Variants in USP8 observed in about 807,000 individuals in gnomAD.
The protein encoded by USP8 is ubiquitin carboxyl-terminal hydrolase 8.
In USP8, 27 loss-of-function variants were observed where a neutral mutation model predicts 130.0. That is an observed-to-expected ratio of 0.21 (90% CI 0.15 to 0.29). The LOEUF is 0.29. Ranked by LOEUF, USP8 falls within the 10% of genes least tolerant of loss-of-function variation. USP8 has a pLI of 1.00. For missense variants in USP8, 1,029 were observed against 1,312.2 expected (o/e 0.78, Z 3.33); for synonymous variants, 392 against 444.1 (o/e 0.88, Z 1.48).
rs773215813 is a variant in USP8, at chr15:50,497,251, C to G, written c.3038+20C>G. On this transcript the variant is annotated intron_variant, in intron 18 of 19. Transcript: ENST00000307179. ...GAAACGGTAAAGGGGAAAGTTTGTC[C>G]TCCTGTTCAGTGAAATTAAATGAGG... The G allele has an allele frequency of 1.9e-6, 3 of 1,578,648 alleles. No individual in the cohort carries two copies. The highest frequency in any genetic ancestry group is 2.6e-6 in the Non-Finnish European group (3 of 1,167,618).
intron 14 of USP8, 142 bp downstream of exon 14, chr15:50,490,667 CA>C (rs2052126896): frequency 9.1e-7 from 1 of 1,103,752 alleles, no homozygotes; most frequent in East Asian, 2.5e-5. Flanking sequence ...CCACAGAGAA[CA>C]AAACAAATGA....
chr15:50,509,720 T>G lies in USP8; in HGVS notation c.*10632T>G, dbSNP rs2141350371. 6.6e-6 allele frequency: 1 copy of G among 152,124 alleles called. No individual in the cohort carries two copies. Among genetic ancestry groups the G allele is most frequent in the East Asian group, 1.9e-4 (1 of 5,202 alleles). The allele number at this position is 152,124 out of a possible 1,614,324, so 9.4% of individuals were successfully genotyped here. ...ATAAAATTAAAAATGAAAAAACATG[T>G]AATAGCTACAGATCCTGAATAAATT... On this transcript the variant is annotated 3_prime_UTR_variant, in exon 20 of 20. Transcript: ENST00000307179.
chr15:50,456,662 G>C (rs931514324), intron 4 of USP8, among the ~76,000 whole-genome samples: 5 of 152,124 alleles, frequency 3.3e-5, no homozygotes, highest in African/African-American at 1.2e-4. Flanking sequence ...GACGAGGGTG[G>C]ATCACTTTAG....
chr15:50,449,735 C>T (rs1381031094), intron 4 of USP8, among the ~76,000 whole-genome samples: 1 of 151,488 alleles, frequency 6.6e-6, no homozygotes, highest in Non-Finnish European at 1.5e-5. Context: ...GCACCCACCA[C>T]CACGCCCGGC....
intron 5 of USP8, among the ~76,000 whole-genome samples, chr15:50,459,412 CG>C (rs2050907683): frequency 6.6e-6 from 1 of 151,990 alleles, no homozygotes; most frequent in African/African-American, 2.4e-5. Flanking sequence ...AGCGAAACCC[CG>C]ACTCTACTAA....
intron 4 of USP8, among the ~76,000 whole-genome samples, chr15:50,455,664 T>C (rs1048337744): frequency 6.6e-6 from 1 of 152,132 alleles, no homozygotes; most frequent in Non-Finnish European, 1.5e-5. Flanking sequence ...CTCTGAATAG[T>C]TTTGTTGTTG....
intron 1 of USP8, among the ~76,000 whole-genome samples, chr15:50,428,394 G>T (rs1444142392): frequency 6.6e-6 from 1 of 152,206 alleles, no homozygotes; most frequent in Admixed American, 6.5e-5. Flanking sequence ...TGGGATTACA[G>T]GCGTTAGCTA....
In USP8 at chr15:50,500,815, C is replaced by A. The variant is rs1337612413; in HGVS notation, c.*1727C>A. 1 of 1,586,194 alleles carries A rather than the reference C, an allele frequency of 6.3e-7. No individual in the cohort carries two copies. Among genetic ancestry groups the A allele is most frequent in the Admixed American group, 1.8e-5 (1 of 55,574 alleles). On this transcript the variant is annotated 3_prime_UTR_variant, in exon 20 of 20. Transcript: ENST00000307179. Reference sequence around the variant, plus strand: ...CTTGCAGAAAGCAGTGTAGTGGCCACCATCCAAATCACCAAAATGGTTCTA... The same window carrying A: ...CTTGCAGAAAGCAGTGTAGTGGCCAACATCCAAATCACCAAAATGGTTCTA...
chr15:50,481,398 CTTTT>C (rs1239662289), intron 10 of USP8, 79 bp from the exon 11 acceptor site: 15 of 1,050,054 alleles, frequency 1.4e-5, no homozygotes, highest in Middle Eastern at 2.8e-4. Context: ...AGTGACACTT[CTTTT>C]ATCACAACTT....
Position 50,481,909 on chromosome 15 carries a change from A to T in USP8, c.1647A>T (p.Thr549=). 6.2e-7 allele frequency: 1 copy of T among 1,603,368 alleles called. No individual in the cohort carries two copies. Among genetic ancestry groups the T allele is most frequent in the Non-Finnish European group, 8.5e-7 (1 of 1,176,128 alleles). Residue 549 remains threonine, a synonymous_variant, in exon 11 of 20, where the codon ACA becomes ACT. Coordinates refer to ENST00000307179, the MANE Select transcript of USP8 (RefSeq NM_005154.5). The part of the protein sequence containing the change: ...ETSAKRGKEI[T]GVKRQSKSEH... ...CAGCAAAGAGGGGCAAAGAAATAAC[A>T]GGAGTAAAAAGACAAAGTAAAAGTG... is the stretch of plus-strand genomic sequence containing the variant.
At chr15:50,445,730 G>A (rs1404089983) in intron 3 of USP8, among the ~76,000 whole-genome samples, 4 of 149,476 alleles carry the variant, frequency 2.7e-5, no homozygotes, top group Middle Eastern at 3.5e-3. Flanking sequence ...GGTGGCAGGC[G>A]CCTGTAATCC....
chr15:50,484,230 G>C (rs1207719796), intron 11 of USP8, 45 bp from the exon 12 acceptor site: 3 of 1,481,236 alleles, frequency 2.0e-6, no homozygotes. Flanking sequence ...GTTGGGAGGA[G>C]AATTAAAGTT....
chr15:50,434,844 T>C (rs916903914), intron 1 of USP8, among the ~76,000 whole-genome samples: 1 of 152,116 alleles, frequency 6.6e-6, no homozygotes, highest in Non-Finnish European at 1.5e-5. Flanking sequence ...GGTCTCAAAC[T>C]CCCAACCTCA....
chr15:50,430,136 T>C (rs2049884214), intron 1 of USP8, among the ~76,000 whole-genome samples: 1 of 152,210 alleles, frequency 6.6e-6, no homozygotes, highest in East Asian at 1.9e-4. Flanking sequence ...TAGTATCCCC[T>C]GTATCACAAC....
chr15:50,492,044 T>C (rs181473165), intron 14 of USP8, among the ~76,000 whole-genome samples: 51 of 152,230 alleles, frequency 3.4e-4, no homozygotes, highest in African/African-American at 1.1e-3. Context: ...GTATTTTTAG[T>C]AGAGACGGGG....
At chr15:50,492,557 G>A in intron 14 of USP8, 144 bp from the exon 15 acceptor site, 1 of 762,828 alleles carries the variant, frequency 1.3e-6, no homozygotes, top group Non-Finnish European at 2.1e-6. Flanking sequence ...GTCCTGGAAG[G>A]CCCAGCATCT....
At chr15:50,465,613 A>T (rs1171579502) in intron 7 of USP8, among the ~76,000 whole-genome samples, 1 of 152,196 alleles carries the variant, frequency 6.6e-6, no homozygotes, top group Non-Finnish European at 1.5e-5. Flanking sequence ...CTCTCCCCAG[A>T]TGTTTGTTAA....
In USP8 at chr15:50,492,905, T is replaced by C. The variant is rs758705843; in HGVS notation, c.2439T>C (p.Asp813=). The C allele has an allele frequency of 5.0e-6, 8 of 1,613,452 alleles. No homozygotes were observed. The South Asian group carries it at 8.8e-5, about 18-fold the overall frequency. The change falls in exon 15 of 20, where the codon GAT becomes GAC. Residue 813 remains aspartate (D), a synonymous_variant. Transcript: ENST00000307179. ...TCAACCGAAACTGTTATCAGGATGA[T>C]ATTAACAGGTAAATACATGTCATAC... The part of the protein sequence containing the change: ...DYFNRNCYQD[D]INRSNLLGHK...
In USP8 at chr15:50,514,084, A is replaced by G. The variant is rs2052774548; in HGVS notation, c.*14996A>G. ...TACAATGGAATACTATACAGCAATG[A>G]GAATGAATAAATTACAATATAAACA... On this transcript the variant is annotated 3_prime_UTR_variant, in exon 20 of 20. Transcript: ENST00000307179. 6.6e-6 allele frequency: 1 copy of G among 152,252 alleles called. No homozygotes were observed. The highest frequency in any genetic ancestry group is 2.4e-5 in the African/African-American group (1 of 41,470). 9.4% of individuals were successfully genotyped at this position (152,252 alleles called of 1,614,324 possible).
Sources: gnomAD v4.1 joint callset for allele counts (sites outside exome capture counted in the v4.1 genomes callset) on GRCh38, gnomAD v4.1.1 for gene constraint, MANE v1.5 for transcripts, NCBI Gene and HGNC (gene_info 2026-07-23, HGNC 2026-07-21) for gene names.